The following DDHD1 variants were observed in gnomAD, a reference collection of about 807,000 sequenced individuals.
DDHD1 encodes the protein phospholipase DDHD1.
A neutral mutation model predicts 96.4 loss-of-function variants in DDHD1; 49 were observed. That is an observed-to-expected ratio of 0.51 (90% confidence interval 0.40 to 0.64). The LOEUF is 0.64. Ranked by LOEUF, DDHD1 falls within the 30% of genes least tolerant of loss-of-function variation. The pLI is 0.00. For missense variants in DDHD1, 1,106 were observed against 1,161.2 expected, an observed-to-expected ratio of 0.95 and a Z score of 0.69; for synonymous variants, 442 against 446.5, an observed-to-expected ratio of 0.99 and a Z score of 0.13.
At chr14:53,123,953 C>T (rs562074114) in intron 1 of DDHD1, among the ~76,000 whole-genome samples, 4 of 152,016 alleles carry the variant, frequency 2.6e-5, no homozygotes, top group South Asian at 2.1e-4. Context: ...TTAAGTTGGC[C>T]GGGCATGGTG....
chr14:53,098,073 A>G (rs966746022), intron 2 of DDHD1, among the ~76,000 whole-genome samples: 2 of 152,052 alleles, frequency 1.3e-5, no homozygotes, highest in Non-Finnish European at 2.9e-5. Flanking sequence ...CAGTAGAGGA[A>G]AAAAAGAGTT....
chr14:53,051,069 T>A (rs550951177), intron 12 of DDHD1, among the ~76,000 whole-genome samples: 1 of 151,406 alleles, frequency 6.6e-6, no homozygotes, highest in East Asian at 1.9e-4. Flanking sequence ...TTTTTTTTTT[T>A]ACTTGAAAAA....
intron 1 of DDHD1, 45 bp downstream of exon 1, chr14:53,152,216 A>C: frequency 6.5e-7 from 1 of 1,537,506 alleles, no homozygotes. Context: ...GCATCGGCCC[A>C]TGCAGGGGCA....
intron 1 of DDHD1, 99 bp downstream of exon 1, chr14:53,152,147 ACGCCAGGCCTCACGC>A: frequency 9.2e-7 from 1 of 1,090,692 alleles, no homozygotes; most frequent in Non-Finnish European, 1.3e-6. Context: ...CCCCAGCCAA[ACGCCAGGCCTCACGC>A]GCCTCCCTCT....
At chr14:53,072,413 G>C (rs1241479990) in intron 6 of DDHD1, among the ~76,000 whole-genome samples, 184 bp downstream of exon 6, 3 of 151,932 alleles carry the variant, frequency 2.0e-5, no homozygotes, top group Non-Finnish European at 4.4e-5. Flanking sequence ...GAGACCATCT[G>C]TTTTATTAAG....
At chr14:53,130,733 G>A (rs1490729867) in intron 1 of DDHD1, among the ~76,000 whole-genome samples, 1 of 152,204 alleles carries the variant, frequency 6.6e-6, no homozygotes, top group African/African-American at 2.4e-5. Flanking sequence ...CTCGTAAGCT[G>A]TTGTCCCATC....
chr14:53,103,933 T>TA (rs1887500663), intron 1 of DDHD1, 77 bp from the exon 2 acceptor site: 1 of 1,339,642 alleles, frequency 7.5e-7, no homozygotes, highest in Non-Finnish European at 9.9e-7. Flanking sequence ...TCTACAATCT[T>TA]ATATTTTGCT....
At chr14:53,087,537 T>C (rs1375513802) in intron 4 of DDHD1, among the ~76,000 whole-genome samples, 1 of 152,120 alleles carries the variant, frequency 6.6e-6, no homozygotes, top group Non-Finnish European at 1.5e-5. Context: ...ACATGGAAAC[T>C]GAACAACCTG....
At chr14:53,133,855 T>A (rs745401014) in intron 1 of DDHD1, among the ~76,000 whole-genome samples, 1 of 152,186 alleles carries the variant, frequency 6.6e-6, no homozygotes. Context: ...GTTAAGAATC[T>A]GACCCCTCAA....
chr14:53,090,300 G>A (rs1886325052), intron 4 of DDHD1, among the ~76,000 whole-genome samples: 1 of 152,228 alleles, frequency 6.6e-6, no homozygotes, highest in South Asian at 2.1e-4. Flanking sequence ...TTCAACCATT[G>A]TGGAAGACAG....
In DDHD1 at chr14:53,153,104, G is replaced by C; in HGVS notation, c.-6C>G. On this transcript the variant is annotated 5_prime_UTR_variant, in exon 1 of 13. Transcript: ENST00000673822. ...CCGCGGCCCGGGTAATTCATGCTGT[G>C]GAGACGCCGCCGGCTGTCCGGCGGC... 1 of 1,393,340 alleles carries C rather than the reference G, an allele frequency of 7.2e-7. No homozygotes were observed. The highest frequency in any genetic ancestry group is 9.2e-7 in the Non-Finnish European group (1 of 1,086,306). The allele number at this position is 1,393,340 out of a possible 1,614,324, so 86.3% of individuals were successfully genotyped here.
intron 1 of DDHD1, 93 bp downstream of exon 1, chr14:53,152,168 C>T: frequency 7.6e-7 from 1 of 1,308,792 alleles, no homozygotes; most frequent in Non-Finnish European, 1.0e-6. Flanking sequence ...CACGCGCCTC[C>T]CTCTTCGCGG....
intron 4 of DDHD1, among the ~76,000 whole-genome samples, chr14:53,090,794 C>G (rs1800383463): frequency 6.6e-6 from 1 of 151,754 alleles, no homozygotes; most frequent in Non-Finnish European, 1.5e-5. Flanking sequence ...ATGGGTACAG[C>G]AAACCAACGT....
chr14:53,123,826 T>C (rs1483747698), intron 1 of DDHD1, among the ~76,000 whole-genome samples: 1 of 152,224 alleles, frequency 6.6e-6, no homozygotes, highest in Non-Finnish European at 1.5e-5. Flanking sequence ...GTTTAATTTC[T>C]TAAGGTAGGT....
chr14:53,152,115 T>TTAG, intron 1 of DDHD1, 146 bp downstream of exon 1: 8 of 789,740 alleles, frequency 1.0e-5, no homozygotes, highest in Admixed American at 7.1e-5. Context: ...CTGCCGACGC[T>TTAG]CCCTGCTCAA....
chr14:53,121,866 GCACATATACACCTA>G (rs1566585532), intron 1 of DDHD1, among the ~76,000 whole-genome samples: 1 of 150,548 alleles, frequency 6.6e-6, no homozygotes, highest in Non-Finnish European at 1.5e-5. Context: ...AACCACCATG[GCACATATACACCTA>G]TGTAACAAAC....
Position 53,054,441 on chromosome 14 carries a change from C to T in DDHD1, c.2434G>A (p.Ala812Thr). The T allele has an allele frequency of 8.1e-6, 13 of 1,612,888 alleles. No individual in the cohort carries two copies. Among genetic ancestry groups the T allele is most frequent in the Non-Finnish European group, 1.1e-5 (13 of 1,179,104 alleles). The part of the protein sequence containing the change: ...PHSSSGFLDS[A>T]YFRLQESFFN... ...AGGAAATAATGTATGAACTAACATGCAGAATCGAGGAAGCCAGAACTGCTA... is the reference window on the plus strand; with the variant it reads ...AGGAAATAATGTATGAACTAACATGTAGAATCGAGGAAGCCAGAACTGCTA... Residue 812 changes from alanine (A) to threonine (T), a missense_variant, in exon 11 of 13, where the codon GCA becomes ACA. Ala to Thr is a moderately conservative substitution (Grantham distance 58). Coordinates refer to ENST00000673822, the MANE Select transcript of DDHD1 (RefSeq NM_001160148.2).
intron 1 of DDHD1, among the ~76,000 whole-genome samples, chr14:53,137,622 TAAAAG>T (rs1890331859): frequency 2.0e-5 from 3 of 151,096 alleles, no homozygotes; most frequent in African/African-American, 7.3e-5. Flanking sequence ...AAAATAAAAA[TAAAAG>T]AAAATCACAG....
chr14:53,144,717 C>A (rs559428800), intron 1 of DDHD1, among the ~76,000 whole-genome samples: 65 of 152,240 alleles, frequency 4.3e-4, no homozygotes, highest in Non-Finnish European at 7.2e-4. Flanking sequence ...ACAGACTCAG[C>A]CAATAAAATA....
Sources: gnomAD v4.1 joint callset for allele counts (sites outside exome capture counted in the v4.1 genomes callset) on GRCh38, gnomAD v4.1.1 for gene constraint, MANE v1.5 for transcripts, NCBI Gene and HGNC (gene_info 2026-07-23, HGNC 2026-07-21) for gene names.